Variants in LDAH observed in about 807,000 individuals in gnomAD.
LDAH encodes the protein lipid droplet associated hydrolase.
Under a neutral mutation model 29.6 loss-of-function variants are expected in LDAH, and 26 were observed. That is an observed-to-expected ratio of 0.88 (90% confidence interval 0.64 to 1.22). The LOEUF (loss-of-function observed/expected upper bound fraction) is 1.22. Among genes scored for constraint, LDAH ranks in the 50% most tolerant of loss-of-function variants. LDAH has a pLI of 0.00. For synonymous variants in LDAH, 117 were observed against 133.0 expected, an observed-to-expected ratio of 0.88 and a Z score of 0.83; for missense variants, 344 against 387.3, an observed-to-expected ratio of 0.89 and a Z score of 0.94.
intron 4 of LDAH, among the ~76,000 whole-genome samples, chr2:20,770,718 C>T (rs927273809): frequency 6.6e-6 from 1 of 152,196 alleles, no homozygotes; most frequent in Non-Finnish European, 1.5e-5. Context: ...GTTGTGTACA[C>T]TGCAGGGCAC....
At chr2:20,688,885 A>G (rs1662783766) in intron 6 of LDAH, among the ~76,000 whole-genome samples, 1 of 131,020 alleles carries the variant, frequency 7.6e-6, no homozygotes, top group Non-Finnish European at 1.5e-5. Context: ...ACATGTGCAG[A>G]GTGTGCAGGT....
intron 3 of LDAH, among the ~76,000 whole-genome samples, chr2:20,777,626 T>C (rs971436366): frequency 6.6e-6 from 1 of 151,942 alleles, no homozygotes; most frequent in Non-Finnish European, 1.5e-5. Context: ...GCCAGGCTGG[T>C]CTCAAACTTC....
chr2:20,687,115 CTTTTATTAGAA>C, intron 6 of LDAH, 21 bp from the exon 7 acceptor site: 1 of 1,591,120 alleles, frequency 6.3e-7, no homozygotes, highest in African/African-American at 1.4e-5. Flanking sequence ...AGACAAAAAC[CTTTTATTAGAA>C]AACACGTTCC....
chr2:20,713,732 A>G (rs1664950508), intron 5 of LDAH, among the ~76,000 whole-genome samples: 1 of 152,194 alleles, frequency 6.6e-6, no homozygotes, highest in Non-Finnish European at 1.5e-5. Flanking sequence ...AGGGATTGCA[A>G]TCCTCATCTC....
At chr2:20,775,049 T>A in intron 3 of LDAH, 70 bp from the exon 4 acceptor site, 1 of 1,363,258 alleles carries the variant, frequency 7.3e-7, no homozygotes, top group Non-Finnish European at 1.0e-6. Flanking sequence ...AAGAAAAAGA[T>A]AACAATCATG....
chr2:20,765,195 C>T (rs1222195494), intron 4 of LDAH, among the ~76,000 whole-genome samples: 1 of 152,178 alleles, frequency 6.6e-6, no homozygotes, highest in Non-Finnish European at 1.5e-5. Context: ...TCCTATTTGT[C>T]TTTCATTTTC....
intron 6 of LDAH, among the ~76,000 whole-genome samples, chr2:20,691,679 G>A (rs186252723): frequency 6.6e-5 from 10 of 152,274 alleles, no homozygotes; most frequent in African/African-American, 2.2e-4. Context: ...ACTTGTTTTG[G>A]AACTCATGAG....
chr2:20,815,159 G>C (rs886943216), intron 1 of LDAH, among the ~76,000 whole-genome samples: 1 of 152,032 alleles, frequency 6.6e-6, no homozygotes, highest in Non-Finnish European at 1.5e-5. Context: ...TTAAAAACTT[G>C]CTGGATGGGC....
At chr2:20,725,402 C>T (rs776144109) in intron 5 of LDAH, among the ~76,000 whole-genome samples, 2 of 152,148 alleles carry the variant, frequency 1.3e-5, no homozygotes, top group South Asian at 2.1e-4. Context: ...AAGAAATAAA[C>T]GGTAGACCTC....
At chr2:20,771,873 A>G (rs111722257) in intron 4 of LDAH, among the ~76,000 whole-genome samples, 7,883 of 152,058 alleles carry the variant, frequency 0.052, 652 homozygotes, top group African/African-American at 0.17. Context: ...AGCTTCACAT[A>G]TCTTTCTGAA....
chr2:20,707,191 G>GA (rs1664369464), intron 5 of LDAH, among the ~76,000 whole-genome samples: 1 of 152,054 alleles, frequency 6.6e-6, no homozygotes, highest in South Asian at 2.1e-4. Flanking sequence ...AGACATCTAG[G>GA]AACTACTCCT....
chr2:20,696,289 C>T (rs114018168), intron 6 of LDAH, among the ~76,000 whole-genome samples: 1,980 of 152,276 alleles, frequency 0.013, 44 homozygotes, highest in African/African-American at 0.046. Context: ...AGGCAACACA[C>T]ACCTTTGGGC....
chr2:20,685,324 C>T lies in LDAH; in HGVS notation c.*1579G>A. On this transcript the variant is annotated 3_prime_UTR_variant, in exon 7 of 7. Transcript: ENST00000237822. ...GAGTATCTCCTGTATGCAAGGCGCT[C>T]AGAGCCATGATTCCTAGCTTCTAAC... 1.7e-6 allele frequency: 1 copy of T among 581,530 alleles called. No individual in the cohort carries two copies. The allele number at this position is 581,530 out of a possible 1,614,324, so 36.0% of individuals were successfully genotyped here.
At chr2:20,739,613 T>G (rs112145268) in intron 5 of LDAH, among the ~76,000 whole-genome samples, 4,840 of 152,294 alleles carry the variant, frequency 0.032, 256 homozygotes, top group African/African-American at 0.11. Context: ...AGGCTTTGTG[T>G]CCTTGTGCTG....
At position 20,716,038 on chromosome 2, in the gene LDAH, C is replaced by T. The variant is rs953338219; in HGVS notation, c.704-14386G>A. Among the ~76,000 whole-genome samples, 39 of 152,120 alleles carry T rather than the reference C, an allele frequency of 2.6e-4. 1 individual carries two copies. The highest frequency in any genetic ancestry group is 1.9e-4 in the East Asian group (1 of 5,198). ...AAAACCACAATGAGATACCATCTCA[C>T]ACTAGTTAGAATGGCGATCATTAAA... On this transcript the variant is annotated intron_variant, in intron 5 of 6. Transcript: ENST00000237822.
intron 4 of LDAH, among the ~76,000 whole-genome samples, chr2:20,768,466 C>T (rs1572586928): frequency 6.6e-6 from 1 of 152,166 alleles, no homozygotes; most frequent in Non-Finnish European, 1.5e-5. Context: ...GCTGCCTGCC[C>T]CATGGCAGCA....
intron 4 of LDAH, among the ~76,000 whole-genome samples, chr2:20,754,305 C>A (rs146557699): frequency 6.6e-6 from 1 of 151,532 alleles, no homozygotes; most frequent in Non-Finnish European, 1.5e-5. Flanking sequence ...CTGGGCAACA[C>A]GGTGAAACCC....
intron 5 of LDAH, among the ~76,000 whole-genome samples, chr2:20,727,207 T>C (rs10199466): frequency 0.15 from 22,331 of 152,026 alleles, 2,784 homozygotes; most frequent in African/African-American, 0.34. Flanking sequence ...CAAGACCCTG[T>C]CTCTAATATA....
chr2:20,807,947 A>C (rs1211716279), intron 1 of LDAH, among the ~76,000 whole-genome samples: 1 of 151,938 alleles, frequency 6.6e-6, no homozygotes. Context: ...AAAAAAAAAA[A>C]ACCCTTACAT....
Sources: allele counts gnomAD v4.1 joint callset (sites outside exome capture counted in the v4.1 genomes callset), GRCh38; gene constraint gnomAD v4.1.1; transcripts MANE v1.5; gene names NCBI Gene and HGNC (gene_info 2026-07-23, HGNC 2026-07-21).